Variants in NTNG1 observed in about 807,000 individuals in gnomAD.
The protein encoded by NTNG1 is netrin-G1.
A neutral mutation model predicts 54.0 loss-of-function variants in NTNG1; 16 were observed. That is an observed-to-expected ratio of 0.30 (90% CI 0.20 to 0.45). The LOEUF is 0.45. NTNG1 is among the 20% of genes least tolerant of loss of function. NTNG1 has a pLI of 1.00. For synonymous variants in NTNG1, 255 were observed against 263.1 expected (o/e 0.97, Z 0.30); for missense variants, 530 against 678.7 (o/e 0.78, Z 2.43).
chr1:107,197,573 C>T (rs538161616), intron 2 of NTNG1, among the ~76,000 whole-genome samples: 7 of 152,040 alleles, frequency 4.6e-5, no homozygotes, highest in Non-Finnish European at 8.8e-5. Context: ...GCTGATAAGG[C>T]GACACTCAGA....
intron 2 of NTNG1, among the ~76,000 whole-genome samples, chr1:107,212,429 TC>T (rs1659656168): frequency 1.3e-5 from 2 of 152,144 alleles, no homozygotes; most frequent in Non-Finnish European, 2.9e-5. Context: ...ACAGGTCTTA[TC>T]CAAGGCAACA....
intron 3 of NTNG1, among the ~76,000 whole-genome samples, chr1:107,377,053 G>C (rs1671325392): frequency 6.6e-6 from 1 of 152,140 alleles, no homozygotes. Context: ...GTGGCTTCAG[G>C]GTCCCCCTGA....
chr1:107,364,297 ATTG>A (rs1670462659), intron 3 of NTNG1, among the ~76,000 whole-genome samples: 1 of 152,184 alleles, frequency 6.6e-6, no homozygotes, highest in African/African-American at 2.4e-5. Flanking sequence ...CGTGGCTATC[ATTG>A]TTAACTGCAT....
intron 2 of NTNG1, among the ~76,000 whole-genome samples, chr1:107,303,225 G>A (rs1209067139): frequency 6.6e-6 from 1 of 152,190 alleles, no homozygotes; most frequent in Non-Finnish European, 1.5e-5. Flanking sequence ...TTCAGGACAA[G>A]CAGGTTTTTT....
At chr1:107,441,961 A>T (rs1243581482) in intron 7 of NTNG1, among the ~76,000 whole-genome samples, 1 of 152,114 alleles carries the variant, frequency 6.6e-6, no homozygotes, top group Non-Finnish European at 1.5e-5. Context: ...TTCAATCAAG[A>T]CCACAGACTG....
At chr1:107,418,747 T>C in intron 5 of NTNG1, 1 of 660,932 alleles carries the variant, frequency 1.5e-6, no homozygotes, top group East Asian at 2.8e-5. Context: ...TCATGAATGC[T>C]ATGTCTTTGA....
At chr1:107,464,287 G>A (rs1677462472) in intron 7 of NTNG1, among the ~76,000 whole-genome samples, 2 of 152,192 alleles carry the variant, frequency 1.3e-5, no homozygotes, top group Non-Finnish European at 2.9e-5. Flanking sequence ...GATTTGACAA[G>A]CCTAAAGATG....
At chr1:107,166,640 A>G (rs1655816843) in intron 2 of NTNG1, among the ~76,000 whole-genome samples, 1 of 152,192 alleles carries the variant, frequency 6.6e-6, no homozygotes, top group Non-Finnish European at 1.5e-5. Flanking sequence ...AGCCTGATCA[A>G]GTAATTTTGG....
At chr1:107,361,320 CAT>C (rs1213582719) in intron 3 of NTNG1, among the ~76,000 whole-genome samples, 11 of 132,998 alleles carry the variant, frequency 8.3e-5, no homozygotes, top group South Asian at 2.3e-4. Flanking sequence ...TAATATATAA[CAT>C]ATATAATCAT....
At chr1:107,385,283 G>A (rs1262099116) in intron 3 of NTNG1, among the ~76,000 whole-genome samples, 4 of 152,020 alleles carry the variant, frequency 2.6e-5, no homozygotes, top group African/African-American at 9.7e-5. Context: ...TGAGGGCTGG[G>A]ATTCAGTCCC....
chr1:107,295,741 C>CAT (rs1284640581), intron 2 of NTNG1, among the ~76,000 whole-genome samples: 1 of 151,774 alleles, frequency 6.6e-6, no homozygotes, highest in Non-Finnish European at 1.5e-5. Context: ...TATACACATA[C>CAT]ATATATATAA....
intron 5 of NTNG1, among the ~76,000 whole-genome samples, chr1:107,411,643 T>A (rs1341750885): frequency 7.2e-5 from 11 of 152,308 alleles, no homozygotes; most frequent in Middle Eastern, 6.8e-3. Flanking sequence ...AAAAGTTTCA[T>A]TTGAATTGCC....
intron 2 of NTNG1, among the ~76,000 whole-genome samples, chr1:107,310,292 C>T (rs1011004869): frequency 6.6e-6 from 1 of 152,008 alleles, no homozygotes; most frequent in South Asian, 2.1e-4. Flanking sequence ...TCAAAGTAGC[C>T]CTCTATAATA....
At chr1:107,227,194 C>T (rs1660745415) in intron 2 of NTNG1, among the ~76,000 whole-genome samples, 1 of 152,044 alleles carries the variant, frequency 6.6e-6, no homozygotes, top group Non-Finnish European at 1.5e-5. Flanking sequence ...GTGGGGTTAA[C>T]AATAAGAGTA....
chr1:107,202,686 A>T (rs1212195797), intron 2 of NTNG1, among the ~76,000 whole-genome samples: 1 of 151,868 alleles, frequency 6.6e-6, no homozygotes, highest in Non-Finnish European at 1.5e-5. Flanking sequence ...AGTAGCATTC[A>T]TCCATTTGGT....
intron 2 of NTNG1, among the ~76,000 whole-genome samples, chr1:107,320,721 T>C (rs1174358602): frequency 6.6e-6 from 1 of 151,668 alleles, no homozygotes. Context: ...TGAAATCTTT[T>C]TTTTTTCCTG....
chr1:107,453,497 T>C (rs1446865331), intron 7 of NTNG1, among the ~76,000 whole-genome samples: 1 of 152,216 alleles, frequency 6.6e-6, no homozygotes, highest in African/African-American at 2.4e-5. Context: ...TGTGCATTAC[T>C]TACTGAAGAG....
intron 7 of NTNG1, among the ~76,000 whole-genome samples, chr1:107,450,638 G>A (rs1676567859): frequency 6.6e-6 from 1 of 152,026 alleles, no homozygotes; most frequent in Admixed American, 6.6e-5. Context: ...GTCTTTTTCT[G>A]TGGTCGTTTC....
At chr1:107,306,706 A>G (rs1666716331) in intron 2 of NTNG1, among the ~76,000 whole-genome samples, 1 of 151,808 alleles carries the variant, frequency 6.6e-6, no homozygotes, top group Non-Finnish European at 1.5e-5. Context: ...AGCCGAGATC[A>G]CGCCCTTGCG....
Sources: allele counts gnomAD v4.1 joint callset (sites outside exome capture counted in the v4.1 genomes callset), GRCh38; gene constraint gnomAD v4.1.1; transcripts MANE v1.5; gene names NCBI Gene and HGNC (gene_info 2026-07-23, HGNC 2026-07-21).